The following CDK5RAP2 variants were observed in gnomAD, a reference collection of about 807,000 sequenced individuals.
CDK5RAP2 encodes the protein CDK5 regulatory subunit-associated protein 2.
Under a neutral mutation model 232.9 loss-of-function variants are expected in CDK5RAP2, and 147 were observed. That is an observed-to-expected ratio of 0.63 (90% CI 0.55 to 0.72). The LOEUF is 0.72. Ranked by LOEUF, CDK5RAP2 falls within the 30% of genes least tolerant of loss-of-function variation. CDK5RAP2 has a pLI of 0.00. For synonymous variants in CDK5RAP2, 833 were observed against 833.7 expected, an observed-to-expected ratio of 1.00 and a Z score of 0.01; for missense variants, 2,195 against 2,231.5, an observed-to-expected ratio of 0.98 and a Z score of 0.33.
At chr9:120,448,413 C>A (rs1403831869) in intron 21 of CDK5RAP2, among the ~76,000 whole-genome samples, 2 of 152,330 alleles carry the variant, frequency 1.3e-5, no homozygotes. Flanking sequence ...TTCTTCCAAC[C>A]TGATCTTCTG....
intron 1 of CDK5RAP2, among the ~76,000 whole-genome samples, chr9:120,578,202 G>C (rs1375834428): frequency 6.6e-6 from 1 of 152,202 alleles, no homozygotes; most frequent in Non-Finnish European, 1.5e-5. Context: ...GGGAGGCGGA[G>C]GTTGAAGTGA....
In CDK5RAP2 at chr9:120,530,007, G is replaced by C; in HGVS notation, c.796C>G (p.Pro266Ala). 1 of 1,613,862 alleles carries C rather than the reference G, an allele frequency of 6.2e-7. No individual in the cohort carries two copies. The highest frequency in any genetic ancestry group is 8.5e-7 in the Non-Finnish European group (1 of 1,179,908). ...SGELRGLCAA[P>A]REEKERETEA... is the part of the protein sequence containing the mutation. ...GTTTCTCTCTCCTTTTCTTCCCTTGGAGCAGCACAAAGTCCTCGGAGCTCT... is the reference window on the plus strand; with the variant it reads ...GTTTCTCTCTCCTTTTCTTCCCTTGCAGCAGCACAAAGTCCTCGGAGCTCT... Residue 266 changes from proline to alanine, a missense_variant, in exon 8 of 38, where the codon CCA becomes GCA. By Grantham distance (27) the Pro-to-Ala change is conservative. Transcript: ENST00000349780.
rs568258973 is a variant in CDK5RAP2 at position 120,556,696 on chromosome 9, T to A, written c.196-5794A>T. Among the ~76,000 whole-genome samples, 40 of 152,340 alleles carry A rather than the reference T, an allele frequency of 2.6e-4. 1 individual carries two copies. In the South Asian group the frequency reaches 4.1e-3, roughly 16 times the overall value. Reference sequence around the variant, plus strand: ...CACTCGCCTCAGCCTCCCAACGTGCTGGGATTACAGGTGTGACCCACCACA... The same window carrying A: ...CACTCGCCTCAGCCTCCCAACGTGCAGGGATTACAGGTGTGACCCACCACA... On this transcript the variant is annotated intron_variant, in intron 3 of 37. Transcript: ENST00000349780.
chr9:120,504,652 T>C (rs150031130), intron 12 of CDK5RAP2, among the ~76,000 whole-genome samples: 52 of 152,296 alleles, frequency 3.4e-4, no homozygotes, highest in African/African-American at 9.1e-4. Flanking sequence ...GCATCCTTCA[T>C]TGACTCCAAG....
At chr9:120,559,288 A>G (rs2042367578) in intron 3 of CDK5RAP2, among the ~76,000 whole-genome samples, 1 of 152,060 alleles carries the variant, frequency 6.6e-6, no homozygotes, top group South Asian at 2.1e-4. Flanking sequence ...GGAGATCGAG[A>G]CCATCTGGCT....
At chr9:120,486,659 C>T (rs547823429) in intron 14 of CDK5RAP2, among the ~76,000 whole-genome samples, 21 of 152,100 alleles carry the variant, frequency 1.4e-4, no homozygotes, top group African/African-American at 5.1e-4. Context: ...AGAGTAAGTG[C>T]CATGATAGAG....
In CDK5RAP2 at chr9:120,439,596, G is replaced by C. The variant is rs1352439927; in HGVS notation, c.3525C>G (p.His1175Gln). The C allele has an allele frequency of 6.2e-7, 1 of 1,614,144 alleles. No homozygotes were observed. ...TCACGTGTTTCACGTATCGCACTTGGTGCAAACTTGAAAAGGTCATTTCTT... is the reference window on the plus strand; with the variant it reads ...TCACGTGTTTCACGTATCGCACTTGCTGCAAACTTGAAAAGGTCATTTCTT... ...DGEEMTFSSLHQVRYVKHVKI... is the reference protein window; with the variant it reads ...DGEEMTFSSLQQVRYVKHVKI... The change falls in exon 24 of 38, where the codon CAC becomes CAG. Residue 1175 changes from histidine (H) to glutamine (Q), a missense_variant. His to Gln is a conservative substitution (Grantham distance 24, BLOSUM62 0). Coordinates refer to ENST00000349780, the MANE Select transcript of CDK5RAP2 (RefSeq NM_018249.6).
At chr9:120,489,180 G>A (rs1364625080) in intron 13 of CDK5RAP2, among the ~76,000 whole-genome samples, 1 of 152,120 alleles carries the variant, frequency 6.6e-6, no homozygotes, top group Non-Finnish European at 1.5e-5. Context: ...CCATCTTCTG[G>A]TTTCCAATGT....
intron 26 of CDK5RAP2, among the ~76,000 whole-genome samples, chr9:120,420,624 G>GA (rs1368579960): frequency 1.3e-5 from 2 of 151,924 alleles, no homozygotes; most frequent in African/African-American, 4.8e-5. Context: ...AAGCCCACAT[G>GA]AATCTCCATT....
At chr9:120,398,362 G>A (rs2032706765) in intron 35 of CDK5RAP2, among the ~76,000 whole-genome samples, 2 of 152,062 alleles carry the variant, frequency 1.3e-5, no homozygotes, top group African/African-American at 4.8e-5. Context: ...TTCAGAATAT[G>A]AATATCAATA....
At chr9:120,440,113 C>T (rs2035813511) in intron 23 of CDK5RAP2, 141 bp from the exon 24 acceptor site, 3 of 717,766 alleles carry the variant, frequency 4.2e-6, no homozygotes. Flanking sequence ...TTTCCTAACA[C>T]ACTTCCCTCA....
intron 27 of CDK5RAP2, among the ~76,000 whole-genome samples, chr9:120,416,329 G>C (rs1178511332): frequency 2.0e-5 from 3 of 152,184 alleles, no homozygotes; most frequent in African/African-American, 7.2e-5. Flanking sequence ...CCTGGGGTTG[G>C]ATTAATTTGC....
At chr9:120,428,965 A>G (rs1020347842) in intron 25 of CDK5RAP2, among the ~76,000 whole-genome samples, 4 of 152,016 alleles carry the variant, frequency 2.6e-5, no homozygotes, top group Admixed American at 1.3e-4. Context: ...ACGCAAATCA[A>G]TAAATGTAAT....
At chr9:120,409,622 C>T (rs1472132270) in intron 29 of CDK5RAP2, among the ~76,000 whole-genome samples, 3 of 152,244 alleles carry the variant, frequency 2.0e-5, no homozygotes, top group African/African-American at 7.2e-5. Flanking sequence ...AAACACAGGG[C>T]CCAGAACTCT....
At chr9:120,554,358 G>A (rs1341810335) in intron 3 of CDK5RAP2, among the ~76,000 whole-genome samples, 1 of 152,172 alleles carries the variant, frequency 6.6e-6, no homozygotes, top group African/African-American at 2.4e-5. Context: ...CAGTGTGTCT[G>A]TCCACATTAT....
chr9:120,502,476 T>C (rs2039620222), intron 12 of CDK5RAP2, among the ~76,000 whole-genome samples: 1 of 152,236 alleles, frequency 6.6e-6, no homozygotes, highest in Non-Finnish European at 1.5e-5. Context: ...AACCATTTAT[T>C]CCATGCTCCT....
At chr9:120,518,093 A>G (rs1452841049) in intron 12 of CDK5RAP2, among the ~76,000 whole-genome samples, 1 of 152,106 alleles carries the variant, frequency 6.6e-6, no homozygotes, top group Non-Finnish European at 1.5e-5. Flanking sequence ...ATGACATGGC[A>G]ACAAACCAGA....
At chr9:120,512,523 A>G (rs1286083868) in intron 12 of CDK5RAP2, among the ~76,000 whole-genome samples, 2 of 152,250 alleles carry the variant, frequency 1.3e-5, no homozygotes, top group African/African-American at 2.4e-5. Flanking sequence ...TACAGCTTCA[A>G]TTAGCCAGAA....
rs187673041 is a variant in CDK5RAP2, at chr9:120,521,791, G to C, written c.1093-3146C>G. Among the ~76,000 whole-genome samples, 3 of 151,414 alleles carry C rather than the reference G, an allele frequency of 2.0e-5. No homozygotes were observed. In the South Asian group the frequency reaches 6.3e-4, roughly 32 times the overall value. ...CTCCCGAGTAGCTGGGACTACAGGC[G>C]CCCACCACCACACCTGGCTAATTTT... On this transcript the variant is annotated intron_variant, in intron 11 of 37. Coordinates refer to ENST00000349780, the MANE Select transcript of CDK5RAP2 (RefSeq NM_018249.6).
Sources: allele counts gnomAD v4.1 joint callset (sites outside exome capture counted in the v4.1 genomes callset), GRCh38; gene constraint gnomAD v4.1.1; transcripts MANE v1.5; gene names NCBI Gene and HGNC (gene_info 2026-07-23, HGNC 2026-07-21).